CACNB4: variants seen among roughly 807,000 people sequenced by gnomAD.
CACNB4 encodes calcium voltage-gated channel auxiliary subunit beta 4, also known as voltage-dependent L-type calcium channel subunit beta-4.
A neutral mutation model predicts 71.2 loss-of-function variants in CACNB4; 32 were observed. The observed-to-expected ratio is 0.45, with a 90% CI of 0.34 to 0.60. The LOEUF is 0.60. Among genes scored for constraint, CACNB4 ranks in the 20% least tolerant of loss-of-function variants. The pLI is 0.01. For synonymous variants in CACNB4, 231 were observed against 236.9 expected, an observed-to-expected ratio of 0.97 and a Z score of 0.23; for missense variants, 464 against 647.9, an observed-to-expected ratio of 0.72 and a Z score of 3.08.
At chr2:151,940,003 G>A (rs765162549) in intron 2 of CACNB4, among the ~76,000 whole-genome samples, 17 of 152,034 alleles carry the variant, frequency 1.1e-4, no homozygotes, top group Non-Finnish European at 2.1e-4. Flanking sequence ...AATTTTACTC[G>A]TTAGTTTTGA....
At chr2:152,076,317 G>GTTTT (rs5835407) in intron 2 of CACNB4, among the ~76,000 whole-genome samples, 1 of 122,492 alleles carries the variant, frequency 8.2e-6, no homozygotes. Flanking sequence ...AATTTTTTGG[G>GTTTT]TTTTTTTTTT....
chr2:151,904,138 G>T (rs1209342136), intron 2 of CACNB4, among the ~76,000 whole-genome samples: 1 of 152,244 alleles, frequency 6.6e-6, no homozygotes, highest in Non-Finnish European at 1.5e-5. Flanking sequence ...TGCAAAAGCA[G>T]ATTGAATTTT....
intron 2 of CACNB4, chr2:151,971,824 A>C: frequency 3.7e-6 from 2 of 539,420 alleles, no homozygotes; most frequent in East Asian, 6.5e-5. Context: ...AGCCTCCCAT[A>C]CTCTCAACTG....
chr2:151,840,345 C>T (rs748834445), intron 13 of CACNB4, among the ~76,000 whole-genome samples: 3 of 152,178 alleles, frequency 2.0e-5, no homozygotes, highest in Admixed American at 6.5e-5. Flanking sequence ...GAATAAAGGG[C>T]AACACATTAA....
intron 2 of CACNB4, among the ~76,000 whole-genome samples, chr2:151,938,203 G>A (rs1175030468): frequency 6.6e-6 from 1 of 152,210 alleles, no homozygotes; most frequent in Non-Finnish European, 1.5e-5. Context: ...GCAACTGTTA[G>A]TTAATAAGGA....
intron 2 of CACNB4, among the ~76,000 whole-genome samples, chr2:151,892,838 C>T (rs2099851058): frequency 6.6e-6 from 1 of 152,144 alleles, no homozygotes; most frequent in African/African-American, 2.4e-5. Context: ...CCAATACTGC[C>T]CAGACTTCAC....
At chr2:152,057,090 A>G (rs1685767312) in intron 2 of CACNB4, among the ~76,000 whole-genome samples, 1 of 152,176 alleles carries the variant, frequency 6.6e-6, no homozygotes, top group Non-Finnish European at 1.5e-5. Flanking sequence ...AGTGATTGTC[A>G]TCTTGTTATT....
rs1026256198 is a variant in CACNB4, at chr2:152,007,864, C to T, written c.147+90466G>A. On this transcript the variant is annotated intron_variant, in intron 2 of 13. Coordinates refer to ENST00000539935, the MANE Select transcript of CACNB4 (RefSeq NM_000726.5). The stretch of plus-strand genomic sequence containing the variant: ...TTGGCTTACTGCAACCTCCACCTCC[C>T]GGGTTCAAGTGGTTCTGCTGCTTCA... Among the ~76,000 whole-genome samples the T allele has an allele frequency of 3.9e-5, 6 of 152,156 alleles. No homozygotes were observed. In the East Asian group the frequency reaches 5.8e-4, roughly 15 times the overall value.
chr2:152,002,248 T>C (rs1273008326), intron 2 of CACNB4, among the ~76,000 whole-genome samples: 1 of 152,238 alleles, frequency 6.6e-6, no homozygotes, highest in East Asian at 1.9e-4. Flanking sequence ...CTGTCCTCTT[T>C]CGTCCTCTTA....
intron 2 of CACNB4, among the ~76,000 whole-genome samples, chr2:152,049,941 G>C (rs1685334613): frequency 6.6e-6 from 1 of 152,240 alleles, no homozygotes; most frequent in Non-Finnish European, 1.5e-5. Flanking sequence ...GTGTCGACTT[G>C]TCTGCAAGGC....
chr2:152,095,935 G>A (rs1688243940), intron 2 of CACNB4, among the ~76,000 whole-genome samples: 1 of 152,150 alleles, frequency 6.6e-6, no homozygotes, highest in Non-Finnish European at 1.5e-5. Flanking sequence ...TTACAGGCGT[G>A]AGCCACTGTG....
chr2:151,865,053 T>C (rs2099842715), intron 9 of CACNB4, among the ~76,000 whole-genome samples: 1 of 152,226 alleles, frequency 6.6e-6, no homozygotes, highest in Non-Finnish European at 1.5e-5. Context: ...ATTACTGGTG[T>C]TTGAGTGGCT....
Position 151,883,327 on chromosome 2 carries a change from A to C in CACNB4, c.191T>G (p.Val64Gly). The C allele has an allele frequency of 6.2e-7, 1 of 1,613,880 alleles. No homozygotes were observed. Among genetic ancestry groups the C allele is most frequent in the African/African-American group, 1.3e-5 (1 of 75,042 alleles). ...SYTSRPSDSDVSLEEDREAIR... is the reference protein window; with the variant it reads ...SYTSRPSDSDGSLEEDREAIR... ...TGCTTCCCGGTCCTCTTCCAAAGAG[A>C]CATCGGAGTCAGACGGCCTGCTTGT... Residue 64 changes from valine to glycine, a missense_variant, in exon 3 of 14, where the codon GTC (valine) becomes GGC (glycine). Val to Gly is a moderately radical substitution (Grantham distance 109). Coordinates refer to ENST00000539935, the MANE Select transcript of CACNB4 (RefSeq NM_000726.5).
intron 13 of CACNB4, among the ~76,000 whole-genome samples, chr2:151,841,309 A>G (rs962627762): frequency 6.6e-6 from 1 of 152,216 alleles, no homozygotes; most frequent in African/African-American, 2.4e-5. Flanking sequence ...GTGGTGGCTC[A>G]TGATGGTAAT....
intron 5 of CACNB4, among the ~76,000 whole-genome samples, chr2:151,875,494 C>T (rs1350800985): frequency 6.6e-5 from 10 of 152,066 alleles, no homozygotes; most frequent in Non-Finnish European, 1.5e-4. Context: ...GGCCCATTCT[C>T]AATGAGCTGT....
chr2:152,011,753 C>T (rs1031119926), intron 2 of CACNB4, among the ~76,000 whole-genome samples: 3 of 152,162 alleles, frequency 2.0e-5, no homozygotes, highest in Admixed American at 6.5e-5. Flanking sequence ...GTTCAGTGGA[C>T]AGAACATCCT....
intron 2 of CACNB4, among the ~76,000 whole-genome samples, chr2:151,990,539 C>T (rs149171689): frequency 0.01 from 1,545 of 152,292 alleles, 18 homozygotes; most frequent in Non-Finnish European, 0.017. Flanking sequence ...GAACAGGGAC[C>T]GGGTCTTGTG....
chr2:151,905,414 T>C (rs561714276), intron 2 of CACNB4, among the ~76,000 whole-genome samples: 77 of 152,330 alleles, frequency 5.1e-4, no homozygotes, highest in African/African-American at 1.8e-3. Context: ...AATCCAATTC[T>C]CTCTGCAGCA....
intron 2 of CACNB4, among the ~76,000 whole-genome samples, chr2:151,997,361 C>T (rs558377303): frequency 3.9e-5 from 6 of 152,136 alleles, no homozygotes; most frequent in African/African-American, 9.6e-5. Context: ...GGTGAAACCC[C>T]GTCTCTACTA....
Sources: allele counts gnomAD v4.1 joint callset (sites outside exome capture counted in the v4.1 genomes callset), GRCh38; gene constraint gnomAD v4.1.1; transcripts MANE v1.5; gene names NCBI Gene and HGNC (gene_info 2026-07-23, HGNC 2026-07-21).